Variants in NRXN1 observed in about 807,000 individuals in gnomAD.
NRXN1 encodes the protein neurexin 1.
Under a neutral mutation model 150.9 loss-of-function variants are expected in NRXN1, and 39 were observed. The ratio of observed to expected loss-of-function variants is 0.26; its 90% CI spans 0.20 to 0.34. The LOEUF is 0.34. Ranked by LOEUF, NRXN1 falls within the 10% of genes least tolerant of loss-of-function variation. The pLI is 1.00. For missense variants in NRXN1, 1,815 were observed against 1,949.9 expected, an observed-to-expected ratio of 0.93 and a Z score of 1.30; for synonymous variants, 924 against 757.0, an observed-to-expected ratio of 1.22 and a Z score of -3.62.
chr2:50,308,245 A>G (rs897627395), intron 17 of NRXN1, among the ~76,000 whole-genome samples: 1 of 152,094 alleles, frequency 6.6e-6, no homozygotes, highest in African/African-American at 2.4e-5. Flanking sequence ...TACTTTTACT[A>G]ATATCTCTCC....
At chr2:50,352,776 TATTATAATA>T (rs1476898348) in intron 17 of NRXN1, among the ~76,000 whole-genome samples, 10 of 84,026 alleles carry the variant, frequency 1.2e-4, no homozygotes, top group East Asian at 2.5e-3. Context: ...ATAATAATAA[TATTATAATA>T]ATAATAATAA....
intron 12 of NRXN1, among the ~76,000 whole-genome samples, chr2:50,515,198 G>A (rs2092593221): frequency 1.3e-5 from 2 of 152,150 alleles, no homozygotes; most frequent in African/African-American, 4.8e-5. Context: ...ACATGCAAGG[G>A]ATCTAGGTTT....
At chr2:50,606,762 A>C (rs746900494) in intron 8 of NRXN1, among the ~76,000 whole-genome samples, 2 of 152,080 alleles carry the variant, frequency 1.3e-5, no homozygotes, top group African/African-American at 4.8e-5. Flanking sequence ...AAGAATAATA[A>C]AGTTTTAGAA....
At chr2:50,298,990 A>G (rs2073900104) in intron 17 of NRXN1, among the ~76,000 whole-genome samples, 1 of 152,170 alleles carries the variant, frequency 6.6e-6, no homozygotes, top group African/African-American at 2.4e-5. Context: ...AAATTTTCAA[A>G]AGATATTGGC....
intron 18 of NRXN1, among the ~76,000 whole-genome samples, chr2:50,112,761 A>C (rs1463209840): frequency 6.6e-6 from 1 of 152,206 alleles, no homozygotes. Flanking sequence ...TACCTGCCTC[A>C]GAGGTCAAGG....
At chr2:49,988,672 T>A (rs1681388156) in intron 21 of NRXN1, among the ~76,000 whole-genome samples, 1 of 148,000 alleles carries the variant, frequency 6.8e-6, no homozygotes, top group African/African-American at 2.5e-5. Context: ...CTCTGATCAC[T>A]GAGAATGAAT....
intron 18 of NRXN1, among the ~76,000 whole-genome samples, chr2:50,228,590 G>A (rs2064632733): frequency 6.6e-6 from 1 of 151,932 alleles, no homozygotes; most frequent in Admixed American, 6.6e-5. Context: ...TGTGTCTTTG[G>A]GAGTGAGCAG....
chr2:51,028,084 G>T lies in NRXN1; in HGVS notation c.190C>A (p.Arg64Ser), dbSNP rs201566733. ...MSFQLKTRSA[R>S]GLVLYFDDEG... ...TCGTCGAAGTAGAGCACGAGGCCGC[G>T]GGCGCTGCGAGTCTTGAGCTGGAAG... Residue 64 changes from arginine (R) to serine (S), a missense_variant, in exon 2 of 23, where the codon CGC becomes AGC. Arg to Ser is a moderately radical substitution (Grantham distance 110, BLOSUM62 -1). Transcript: ENST00000401669. The T allele has an allele frequency of 1.2e-5, 19 of 1,587,002 alleles. No homozygotes were observed. Among genetic ancestry groups the T allele is most frequent in the African/African-American group, 9.4e-5 (7 of 74,552 alleles).
In NRXN1 at chr2:50,282,845, G is replaced by A. The variant is rs543730816; in HGVS notation, c.3365-45875C>T. The stretch of plus-strand genomic sequence containing the variant: ...GCAAACAGATATCCATGTGCTTTGA[G>A]TGTTGGCAATATGTATCAATTAACA... On this transcript the variant is annotated intron_variant, in intron 17 of 22. Transcript: ENST00000401669. Among the ~76,000 whole-genome samples, 17 of 152,178 alleles carry A rather than the reference G, an allele frequency of 1.1e-4. No homozygotes were observed. In the South Asian group the frequency reaches 3.5e-3, roughly 32 times the overall value.
intron 18 of NRXN1, among the ~76,000 whole-genome samples, chr2:50,115,069 T>A (rs1290462135): frequency 1.3e-5 from 2 of 151,514 alleles, no homozygotes; most frequent in Non-Finnish European, 2.9e-5. Context: ...ACCACTCTAG[T>A]GAGGGATGTT....
chr2:50,166,287 G>GTA (rs2152794735), intron 18 of NRXN1, among the ~76,000 whole-genome samples: 1 of 129,444 alleles, frequency 7.7e-6, no homozygotes, highest in East Asian at 2.0e-4. Flanking sequence ...GTATGTGTGT[G>GTA]TGTGTGTGTG....
At chr2:50,096,619 T>A (rs543853139) in intron 18 of NRXN1, among the ~76,000 whole-genome samples, 1 of 152,304 alleles carries the variant, frequency 6.6e-6, no homozygotes, top group South Asian at 2.1e-4. Flanking sequence ...GATAACTGGC[T>A]CAAATCATAA....
At chr2:50,086,922 C>G (rs1230675080) in intron 19 of NRXN1, among the ~76,000 whole-genome samples, 1 of 151,890 alleles carries the variant, frequency 6.6e-6, no homozygotes. Context: ...ATTTTGCATT[C>G]ATCTTGTTTA....
intron 21 of NRXN1, among the ~76,000 whole-genome samples, chr2:50,027,421 C>T (rs1263931746): frequency 7.0e-6 from 1 of 142,442 alleles, no homozygotes; most frequent in Non-Finnish European, 1.5e-5. Flanking sequence ...TCCCTCTCTC[C>T]CTTCCTCCGT....
chr2:50,106,574 C>G (rs556397061), intron 18 of NRXN1, among the ~76,000 whole-genome samples: 1 of 151,824 alleles, frequency 6.6e-6, no homozygotes, highest in Non-Finnish European at 1.5e-5. Context: ...TAAGTTAGGG[C>G]CAAGATGAAC....
In NRXN1 at chr2:50,462,158, T is replaced by G. The variant is rs2088297114; in HGVS notation, c.3364+3284A>C. On this transcript the variant is annotated intron_variant, in intron 17 of 22. Transcript: ENST00000401669. ...TTTGATTTTAGTGAGTTATTACAAT[T>G]ACATGCAGCATGCTATAAAAACACT... Among the ~76,000 whole-genome samples the G allele has an allele frequency of 2.0e-5, 3 of 151,872 alleles. No homozygotes were observed. The South Asian group carries it at 6.2e-4, about 31-fold the overall frequency.
chr2:49,984,070 A>T (rs1354223392), intron 21 of NRXN1, among the ~76,000 whole-genome samples: 2 of 152,104 alleles, frequency 1.3e-5, no homozygotes, highest in African/African-American at 4.8e-5. Context: ...AGGAAGCTGA[A>T]GTGGGAAGAT....
intron 9 of NRXN1, among the ~76,000 whole-genome samples, chr2:50,551,044 G>GAAGAAGAAGAAGAAGAAGAA (rs1491286570): frequency 1.5e-5 from 1 of 66,170 alleles, no homozygotes; most frequent in African/African-American, 8.4e-5. Flanking sequence ...AAGAGGAAGA[G>GAAGAAGAAGAAGAAGAAGAA]GAAGAGGAAG....
At chr2:50,326,879 G>A (rs909951628) in intron 17 of NRXN1, among the ~76,000 whole-genome samples, 14 of 151,998 alleles carry the variant, frequency 9.2e-5, no homozygotes, top group African/African-American at 3.4e-4. Flanking sequence ...ACACACCTTA[G>A]GTATGGCTAA....
Sources: gnomAD v4.1 joint callset for allele counts (sites outside exome capture counted in the v4.1 genomes callset) on GRCh38, gnomAD v4.1.1 for gene constraint, MANE v1.5 for transcripts, NCBI Gene and HGNC (gene_info 2026-07-23, HGNC 2026-07-21) for gene names.